Variants in GOLPH3L observed in about 807,000 individuals in gnomAD.
GOLPH3L encodes golgi phosphoprotein 3 like.
Under a neutral mutation model 30.3 loss-of-function variants are expected in GOLPH3L, and 22 were observed. The ratio of observed to expected loss-of-function variants is 0.73; its 90% CI spans 0.52 to 1.04. The LOEUF (loss-of-function observed/expected upper bound fraction) is 1.04, where lower values mean the gene tolerates loss of function less well. Ranked by LOEUF, GOLPH3L falls within the 50% of genes least tolerant of loss-of-function variation. The pLI, the probability that GOLPH3L is intolerant of heterozygous loss-of-function variation, is 0.00. For missense variants in GOLPH3L, 303 were observed against 345.8 expected (o/e 0.88, Z 0.98); for synonymous variants, 120 against 128.2 (o/e 0.94, Z 0.43).
chr1:150,667,555 C>G (rs1475045276), intron 2 of GOLPH3L, among the ~76,000 whole-genome samples: 2 of 151,570 alleles, frequency 1.3e-5, no homozygotes, highest in African/African-American at 4.8e-5. Context: ...CAAAACAAAA[C>G]AAAAGTGGCT....
chr1:150,684,570 C>A (rs913471816), intron 2 of GOLPH3L, among the ~76,000 whole-genome samples: 1 of 152,156 alleles, frequency 6.6e-6, no homozygotes. Context: ...TCCCTCCTTC[C>A]ATAAGGAACA....
intron 2 of GOLPH3L, among the ~76,000 whole-genome samples, chr1:150,683,722 A>AAAAAAAAAAAAG (rs1345166113): frequency 6.9e-6 from 1 of 145,738 alleles, no homozygotes; most frequent in African/African-American, 2.5e-5. Context: ...AAAAAAAAAA[A>AAAAAAAAAAAAG]AAAAAAAAAA....
intron 4 of GOLPH3L, among the ~76,000 whole-genome samples, chr1:150,661,229 A>AAAT (rs375198321): frequency 8.6e-5 from 13 of 151,948 alleles, no homozygotes; most frequent in South Asian, 2.1e-4. Flanking sequence ...CTCCATCTCG[A>AAAT]AATAATAATA....
chr1:150,686,283 T>C (rs587706861), intron 2 of GOLPH3L, among the ~76,000 whole-genome samples: 1 of 152,310 alleles, frequency 6.6e-6, no homozygotes, highest in Non-Finnish European at 1.5e-5. Context: ...GGTGTGATCA[T>C]AGCTCAATGC....
rs12128535 is a variant in GOLPH3L at position 150,694,138 on chromosome 1, C to T, written c.183+518G>A. On this transcript the variant is annotated intron_variant, in intron 2 of 4. Transcript: ENST00000271732. ...CTCCCCAAAGTGCTGGGATTACAGG[C>T]GTGAGCCACCGCGTAATCCAACTGT... The T allele has an allele frequency of 7.2e-3, 3,235 of 447,540 alleles. 17 individuals are homozygous for T. The highest frequency in any genetic ancestry group is 0.01 in the Middle Eastern group (30 of 2,992). The allele number at this position is 447,540 out of a possible 1,614,324, so 27.7% of individuals were successfully genotyped here.
At chr1:150,690,508 C>A (rs1651185579) in intron 2 of GOLPH3L, among the ~76,000 whole-genome samples, 1 of 152,102 alleles carries the variant, frequency 6.6e-6, no homozygotes, top group Admixed American at 6.5e-5. Flanking sequence ...TTAATTTGGA[C>A]ACAAAAATGA....
intron 1 of GOLPH3L, among the ~76,000 whole-genome samples, chr1:150,696,208 T>G (rs1330253212): frequency 6.6e-6 from 1 of 152,180 alleles, no homozygotes; most frequent in East Asian, 1.9e-4. Context: ...AAATGTCTCA[T>G]GCTTTCTTTC....
chr1:150,666,583 C>T (rs1213522764), intron 2 of GOLPH3L, among the ~76,000 whole-genome samples: 2 of 152,168 alleles, frequency 1.3e-5, no homozygotes, highest in African/African-American at 4.8e-5. Context: ...GGTGATCTGC[C>T]TGCCTCAGCC....
intron 4 of GOLPH3L, among the ~76,000 whole-genome samples, chr1:150,651,642 C>CAAAAAAAAAAAAAAAAAAAAAAACAA (rs59940841): frequency 1.6e-5 from 1 of 60,846 alleles, no homozygotes; most frequent in Non-Finnish European, 3.0e-5. Context: ...GAGCGAAACT[C>CAAAAAAAAAAAAAAAAAAAAAAACAA]AAAAAAAAAA....
chr1:150,678,831 G>A (rs1270170373), intron 2 of GOLPH3L, among the ~76,000 whole-genome samples: 1 of 152,150 alleles, frequency 6.6e-6, no homozygotes, highest in Non-Finnish European at 1.5e-5. Context: ...GCACACGCCT[G>A]TAGTCCCAGC....
At chr1:150,687,985 GAA>G (rs748712871) in intron 2 of GOLPH3L, among the ~76,000 whole-genome samples, 1 of 152,066 alleles carries the variant, frequency 6.6e-6, no homozygotes, top group Non-Finnish European at 1.5e-5. Context: ...TTGATCAAAA[GAA>G]TACATTAAAA....
At chr1:150,658,417 A>T (rs892520099) in intron 4 of GOLPH3L, among the ~76,000 whole-genome samples, 2 of 152,208 alleles carry the variant, frequency 1.3e-5, no homozygotes, top group African/African-American at 4.8e-5. Context: ...GGCTGGCAAT[A>T]ATGCCTGGAT....
intron 2 of GOLPH3L, among the ~76,000 whole-genome samples, chr1:150,684,675 A>AT (rs947626025): frequency 1.5e-4 from 23 of 149,730 alleles, no homozygotes; most frequent in East Asian, 1.2e-3. Flanking sequence ...GATTATTTTA[A>AT]TTTTTTTTTT....
chr1:150,652,620 T>C (rs1229380210), intron 4 of GOLPH3L, among the ~76,000 whole-genome samples: 2 of 152,000 alleles, frequency 1.3e-5, no homozygotes, highest in Admixed American at 1.3e-4. Context: ...AAAGTAATTA[T>C]GTAAGTAATA....
intron 3 of GOLPH3L, among the ~76,000 whole-genome samples, 187 bp from the exon 4 acceptor site, chr1:150,662,115 T>C (rs934639129): frequency 6.6e-6 from 1 of 152,108 alleles, no homozygotes; most frequent in African/African-American, 2.4e-5. Context: ...AAAATAACAT[T>C]TGAAGTGGGC....
intron 4 of GOLPH3L, among the ~76,000 whole-genome samples, chr1:150,658,510 C>A (rs1349128719): frequency 6.6e-6 from 1 of 152,162 alleles, no homozygotes; most frequent in Non-Finnish European, 1.5e-5. Flanking sequence ...TTGAGGCATA[C>A]CACCCTCAGA....
intron 4 of GOLPH3L, among the ~76,000 whole-genome samples, chr1:150,653,286 CTTTTTTTTTTTATT>C (rs1222601239): frequency 7.3e-6 from 1 of 137,250 alleles, no homozygotes; most frequent in Non-Finnish European, 1.6e-5. Context: ...TGGTATAAAT[CTTTTTTTTTTTATT>C]TTTTTTTTTT....
intron 2 of GOLPH3L, among the ~76,000 whole-genome samples, chr1:150,666,317 T>G (rs928528583): frequency 6.7e-6 from 1 of 149,596 alleles, no homozygotes; most frequent in Non-Finnish European, 1.5e-5. Flanking sequence ...CATTTGCTTG[T>G]TCTCTGTATT....
intron 2 of GOLPH3L, among the ~76,000 whole-genome samples, chr1:150,670,683 C>T (rs1030038067): frequency 6.6e-6 from 1 of 152,126 alleles, no homozygotes; most frequent in African/African-American, 2.4e-5. Context: ...GGATCACTAC[C>T]AACAGTTTAA....
Sources: gnomAD v4.1 joint callset for allele counts (sites outside exome capture counted in the v4.1 genomes callset) on GRCh38, gnomAD v4.1.1 for gene constraint, MANE v1.5 for transcripts, NCBI Gene and HGNC (gene_info 2026-07-23, HGNC 2026-07-21) for gene names.